Variants in RAD51B observed in about 807,000 individuals in gnomAD.
RAD51B encodes RAD51 paralog B, also known as DNA repair protein RAD51 homolog 2.
RAD51B carries 38 observed loss-of-function variants against 42.2 expected under a neutral mutation model. The observed-to-expected ratio is 0.90, with a 90% CI of 0.70 to 1.18. RAD51B has a LOEUF of 1.18. Among genes scored for constraint, RAD51B ranks in the 50% most tolerant of loss-of-function variants. The probability of loss-of-function intolerance (pLI) is 0.00; values close to 1 mark genes in which losing one functional copy is unlikely to be tolerated. For missense variants in RAD51B, 373 were observed against 400.7 expected (o/e 0.93, Z 0.59); for synonymous variants, 154 against 145.2 (o/e 1.06, Z -0.43).
At chr14:67,948,674 G>A (rs2074380833) in intron 7 of RAD51B, among the ~76,000 whole-genome samples, 2 of 152,006 alleles carry the variant, frequency 1.3e-5, no homozygotes, top group Admixed American at 6.6e-5. Flanking sequence ...GCTCACTCCT[G>A]TAATCCCAGC....
chr14:67,965,039 T>C (rs1254354184), intron 7 of RAD51B, among the ~76,000 whole-genome samples: 2 of 152,220 alleles, frequency 1.3e-5, no homozygotes, highest in Non-Finnish European at 2.9e-5. Flanking sequence ...CACATGGTAT[T>C]GCAGCAGGTG....
At chr14:68,250,137 T>C (rs2080590665) in intron 7 of RAD51B, among the ~76,000 whole-genome samples, 1 of 152,268 alleles carries the variant, frequency 6.6e-6, no homozygotes, top group Non-Finnish European at 1.5e-5. Context: ...TGGCTCCCAC[T>C]TTTGTATTTA....
In RAD51B at chr14:67,893,498, ACACACACACAC is replaced by A. The variant is rs1337755918; in HGVS notation, c.756+6295_756+6305del. 1.4e-3 allele frequency among the ~76,000 whole-genome samples: 134 copies of A among 98,252 alleles called. 5 individuals are homozygous for A. Among genetic ancestry groups the A allele is most frequent in the African/African-American group, 5.2e-3 (109 of 21,006 alleles). 64.5% of individuals were successfully genotyped at this position (98,252 alleles called of 152,430 possible). A position where few individuals can be genotyped will look rare whatever the true frequency, so the allele number is the denominator to read the frequency against. The stretch of plus-strand genomic sequence containing the variant: ...CACACACACACACACACACACACAC[ACACACACACAC>A]AAAAAAAAACAATTAGCTGGGTGTG... On this transcript the variant is annotated intron_variant, in intron 7 of 10. Coordinates refer to ENST00000471583, the MANE Select transcript of RAD51B (RefSeq NM_133510.4).
At chr14:68,093,840 C>G (rs1351646905) in intron 7 of RAD51B, among the ~76,000 whole-genome samples, 4 of 152,150 alleles carry the variant, frequency 2.6e-5, no homozygotes, top group Non-Finnish European at 1.5e-5. Context: ...GAGGAACATC[C>G]TGGTACTCTC....
chr14:68,479,817 C>A (rs1199700221), downstream of RAD51B, among the ~76,000 whole-genome samples: 1 of 151,540 alleles, frequency 6.6e-6, no homozygotes, highest in East Asian at 1.9e-4. Flanking sequence ...CACAGATGGG[C>A]ATCACCACAC....
intron 9 of RAD51B, among the ~76,000 whole-genome samples, chr14:68,440,104 C>G (rs1305211857): frequency 6.6e-6 from 1 of 152,070 alleles, no homozygotes; most frequent in Admixed American, 6.5e-5. Flanking sequence ...CTCCTATAAC[C>G]CTCTTCTTTT....
chr14:68,542,657 A>G (rs1403796888), intron 10 of RAD51B, among the ~76,000 whole-genome samples: 1 of 152,204 alleles, frequency 6.6e-6, no homozygotes, highest in African/African-American at 2.4e-5. Flanking sequence ...GTCAATATTT[A>G]TATCAAATGT....
At chr14:68,238,376 C>G (rs2080311034) in intron 7 of RAD51B, among the ~76,000 whole-genome samples, 1 of 152,144 alleles carries the variant, frequency 6.6e-6, no homozygotes, top group African/African-American at 2.4e-5. Context: ...TCATAGCTCA[C>G]TGCAGCCTTG....
chr14:68,104,595 C>T (rs2077345217), intron 7 of RAD51B, among the ~76,000 whole-genome samples: 1 of 152,104 alleles, frequency 6.6e-6, no homozygotes. Flanking sequence ...CAGTAAAGTA[C>T]CTTTCATCAC....
At chr14:68,191,241 T>G (rs2079261076) in intron 7 of RAD51B, among the ~76,000 whole-genome samples, 2 of 152,152 alleles carry the variant, frequency 1.3e-5, no homozygotes, top group Admixed American at 1.3e-4. Flanking sequence ...TATGAACTGG[T>G]GATTAACTGA....
chr14:67,844,136 A>G (rs2041525774), intron 4 of RAD51B, among the ~76,000 whole-genome samples: 1 of 151,520 alleles, frequency 6.6e-6, no homozygotes, highest in Non-Finnish European at 1.5e-5. Flanking sequence ...CAGGTTGTTT[A>G]TTTCCATGTA....
At chr14:68,408,717 C>T (rs1054168548) in intron 8 of RAD51B, among the ~76,000 whole-genome samples, 12 of 151,870 alleles carry the variant, frequency 7.9e-5, no homozygotes, top group African/African-American at 2.9e-4. Context: ...TTAAAGTTAG[C>T]GCAATTAAAA....
chr14:67,930,335 G>A (rs998851747), intron 7 of RAD51B, among the ~76,000 whole-genome samples: 3 of 151,550 alleles, frequency 2.0e-5, no homozygotes, highest in Non-Finnish European at 2.9e-5. Context: ...CTTTGTGTGT[G>A]TGTGTGTTTT....
intron 7 of RAD51B, among the ~76,000 whole-genome samples, chr14:68,006,646 TA>T (rs1341022279): frequency 2.6e-5 from 4 of 152,096 alleles, no homozygotes; most frequent in African/African-American, 9.7e-5. Flanking sequence ...GTGCATCATT[TA>T]AAAAATACTT....
intron 7 of RAD51B, among the ~76,000 whole-genome samples, chr14:68,222,157 T>A (rs1457567217): frequency 3.3e-5 from 5 of 152,120 alleles, no homozygotes; most frequent in African/African-American, 1.2e-4. Context: ...TAAAAGTAGA[T>A]CTACCATTTG....
At chr14:67,867,685 G>T (rs758914533) in intron 5 of RAD51B, among the ~76,000 whole-genome samples, 2 of 152,130 alleles carry the variant, frequency 1.3e-5, no homozygotes, top group Admixed American at 6.5e-5. Context: ...ATAAAACTGG[G>T]GCTCTCATAG....
intron 7 of RAD51B, among the ~76,000 whole-genome samples, chr14:68,275,395 AT>A (rs1244002671): frequency 7.2e-5 from 11 of 152,192 alleles, no homozygotes; most frequent in Non-Finnish European, 1.2e-4. Flanking sequence ...AGTGGAAAGC[AT>A]TCTTGTCAGT....
intron 7 of RAD51B, among the ~76,000 whole-genome samples, chr14:67,893,490 ACAC>A (rs2043286694): frequency 1.0e-4 from 8 of 76,440 alleles, no homozygotes; most frequent in African/African-American, 5.6e-4. Context: ...ACACACACAC[ACAC>A]ACACACACAC....
At chr14:67,938,154 G>A (rs1009267178) in intron 7 of RAD51B, among the ~76,000 whole-genome samples, 3 of 152,204 alleles carry the variant, frequency 2.0e-5, no homozygotes, top group Non-Finnish European at 4.4e-5. Flanking sequence ...TAACATTTAT[G>A]TGAATAGTTC....
Sources: allele counts gnomAD v4.1 joint callset (sites outside exome capture counted in the v4.1 genomes callset), GRCh38; gene constraint gnomAD v4.1.1; transcripts MANE v1.5; gene names NCBI Gene and HGNC (gene_info 2026-07-23, HGNC 2026-07-21).